ATG16L2: variants seen among roughly 807,000 people sequenced by gnomAD.
The protein encoded by ATG16L2 is protein Atg16l2.
A neutral mutation model predicts 84.7 loss-of-function variants in ATG16L2; 77 were observed. The observed-to-expected ratio is 0.91, with a 90% confidence interval of 0.76 to 1.10. The LOEUF is 1.10. Among genes scored for constraint, ATG16L2 ranks in the 50% least tolerant of loss-of-function variants. The pLI is 0.00. For missense variants in ATG16L2, 782 were observed against 817.6 expected (o/e 0.96, Z 0.53); for synonymous variants, 361 against 342.8 (o/e 1.05, Z -0.59).
chr11:72,843,124 T>C (rs368265647), exon 6 of ATG16L2: 7 of 1,611,392 alleles, frequency 4.3e-6, no homozygotes, highest in Non-Finnish European at 5.1e-6. Context: ...CGTGACCAAA[T>C]AAAGAGTGCC....
intron 3 of ATG16L2, chr11:72,818,993 AC>A (rs1452648206): frequency 6.6e-6 from 1 of 151,384 alleles, no homozygotes; most frequent in African/African-American, 2.4e-5. Context: ...CAAACATCTG[AC>A]CCCCACACCA....
intron 7 of ATG16L2, chr11:72,823,188 T>A (rs1186119909): frequency 4.2e-6 from 2 of 471,868 alleles, no homozygotes; most frequent in Admixed American, 7.6e-5. Flanking sequence ...TTTCCCTCCT[T>A]CTTGGGATCA....
intron 5 of ATG16L2, chr11:72,841,703 G>T: frequency 9.2e-7 from 1 of 1,092,092 alleles, no homozygotes; most frequent in Non-Finnish European, 1.3e-6. Flanking sequence ...GTTGAAACTT[G>T]TCAACCTCAT....
At chr11:72,823,742 C>G (rs1278555146) in intron 7 of ATG16L2, 1 of 499,168 alleles carries the variant, frequency 2.0e-6, no homozygotes. Context: ...CTGGGGGAAC[C>G]TTCAGCGTCT....
chr11:72,819,029 C>T (rs1164126053), intron 3 of ATG16L2: 5 of 152,210 alleles, frequency 3.3e-5, no homozygotes, highest in Admixed American at 1.3e-4. Context: ...GCTGTGAGCT[C>T]CCCAAGCCCT....
intron 5 of ATG16L2, chr11:72,838,560 T>C (rs2135143023): frequency 1.8e-6 from 1 of 562,512 alleles, no homozygotes; most frequent in Non-Finnish European, 3.2e-6. Context: ...TAGGGTCCGC[T>C]AGGATTTGTG....
intron 13 of ATG16L2, 117 bp downstream of exon 13, chr11:72,826,940 G>A: frequency 7.9e-7 from 1 of 1,261,834 alleles, no homozygotes; most frequent in South Asian, 1.4e-5. Flanking sequence ...GCATTTGGGG[G>A]TGAAACCTCT....
chr11:72,829,182 C>A, intron 17 of ATG16L2, 121 bp from the exon 18 acceptor site: 1 of 1,208,484 alleles, frequency 8.3e-7, no homozygotes, highest in Non-Finnish European at 1.2e-6. Context: ...GCTAACTTGA[C>A]AGATGAGGAA....
intron 5 of ATG16L2, chr11:72,838,217 T>C (rs527300920): frequency 5.2e-5 from 8 of 153,102 alleles, no homozygotes; most frequent in Admixed American, 4.5e-4. Flanking sequence ...GTTAATGCAA[T>C]TGGTGCTAAA....
In ATG16L2 at chr11:72,827,238, G is replaced by A; in HGVS notation, c.1417G>A (p.Asp473Asn). ...LSYCNDVVCG[D>N]HIIISGHNDQ... ...CTACTGTAATGACGTGGTGTGTGGGGACCATATCATCATTAGTGGCCACAA... is the reference window on the plus strand; with the variant it reads ...CTACTGTAATGACGTGGTGTGTGGGAACCATATCATCATTAGTGGCCACAA... Residue 473 changes from aspartate (D) to asparagine (N), a missense_variant, in exon 14 of 18, where the codon GAC (aspartate) becomes AAC (asparagine). Physicochemically the swap from Asp to Asn is conservative, Grantham distance 23. Coordinates refer to ENST00000321297, the MANE Select transcript of ATG16L2 (RefSeq NM_033388.2). The A allele has an allele frequency of 6.2e-7, 1 of 1,614,116 alleles. No individual in the cohort carries two copies. Among genetic ancestry groups the A allele is most frequent in the Non-Finnish European group, 8.5e-7 (1 of 1,180,022 alleles).
At chr11:72,824,285 C>T in intron 8 of ATG16L2, 163 bp downstream of exon 8, 1 of 768,842 alleles carries the variant, frequency 1.3e-6, no homozygotes, top group Non-Finnish European at 2.2e-6. Context: ...ATGGCCTCAG[C>T]CCCGGCCCCG....
At position 72,824,896 on chromosome 11, in the gene ATG16L2, CAG is replaced by C; in HGVS notation, c.996+55_996+56del. On this transcript the variant is annotated intron_variant, in intron 9 of 17. Coordinates refer to ENST00000321297, the MANE Select transcript of ATG16L2 (RefSeq NM_033388.2). ...GGGCAGTGGTGAGAGAGTGCAGGCA[CAG>C]GGGTGGTCTCGGCACCAGGGGTGGT... 4.8e-6 allele frequency: 7 copies of C among 1,455,762 alleles called. No individual in the cohort carries two copies. In the South Asian group the frequency reaches 9.4e-5, roughly 19 times the overall value. 90.2% of individuals were successfully genotyped at this position (1,455,762 alleles called of 1,614,324 possible).
rs139269726 is a variant in ATG16L2 at position 72,824,083 on chromosome 11, C to T, written c.848C>T (p.Thr283Met). 1.1e-5 allele frequency: 18 copies of T among 1,614,114 alleles called. No individual in the cohort carries two copies. The highest frequency in any genetic ancestry group is 6.7e-5 in the African/African-American group (5 of 74,944). ...AGGTCTGCCTCAGCCACCTCCCTGA[C>T]GCTGTCCCACTGTGTGGATGTGGTG... ...PFRSASATSLTLSHCVDVVKG... is the reference protein window; with the variant it reads ...PFRSASATSLMLSHCVDVVKG... The change falls in exon 8 of 18, where the codon ACG becomes ATG. Residue 283 changes from threonine (T) to methionine (M), a missense_variant. Thr to Met is a moderately conservative substitution (Grantham distance 81). Transcript: ENST00000321297.
At position 72,822,468 on chromosome 11, in the gene ATG16L2, AC is replaced by A; in HGVS notation, c.645-7del. 1 of 1,612,672 alleles carries A rather than the reference AC, an allele frequency of 6.2e-7. No homozygotes were observed. Among genetic ancestry groups the A allele is most frequent in the Non-Finnish European group, 8.5e-7 (1 of 1,179,388 alleles). On this transcript the variant is annotated splice_polypyrimidine_tract_variant and intron_variant, in intron 5 of 17. Coordinates refer to ENST00000321297, the MANE Select transcript of ATG16L2 (RefSeq NM_033388.2). This position sits in a 1 kb window ranked among gnomAD's most constrained non-coding sequence, Gnocchi z 4.2. ...GCGCCAGGGTCTCAGGATGCTTTTT[AC>A]CCAACAAGGGCCAAGCAGGCGCGGG...
chr11:72,838,554 G>A (rs1860802603), intron 5 of ATG16L2: 2 of 552,094 alleles, frequency 3.6e-6, no homozygotes, highest in African/African-American at 3.8e-5. Flanking sequence ...TGCTCCTAGG[G>A]TCCGCTAGGA....
intron 5 of ATG16L2, chr11:72,841,688 T>C: frequency 4.0e-6 from 5 of 1,241,928 alleles, no homozygotes; most frequent in Non-Finnish European, 5.4e-6. Flanking sequence ...AAAGCTAAGC[T>C]GATTGTTGAA....
chr11:72,820,455 C>A, intron 3 of ATG16L2: 1 of 152,110 alleles, frequency 6.6e-6, no homozygotes, highest in East Asian at 1.9e-4. Context: ...GAAAGGCATA[C>A]AATAAAATAT....
At chr11:72,829,126 G>A in intron 17 of ATG16L2, 142 bp downstream of exon 17, 3 of 1,094,838 alleles carry the variant, frequency 2.7e-6, no homozygotes, top group South Asian at 2.9e-5. Context: ...AGTTCACAAG[G>A]TACTTTCCAC....
At chr11:72,829,016 G>A in intron 17 of ATG16L2, 32 bp downstream of exon 17, 1 of 1,604,168 alleles carries the variant, frequency 6.2e-7, no homozygotes, top group Non-Finnish European at 8.5e-7. Context: ...CCACCTGCCT[G>A]GCCCCAGTCC....
Sources: allele counts gnomAD v4.1 joint callset, GRCh38; gene constraint gnomAD v4.1.1; non-coding constraint Gnocchi (gnomAD v3.1); transcripts MANE v1.5; gene names NCBI Gene and HGNC (gene_info 2026-07-23, HGNC 2026-07-21).